The following BIRC6 variants were observed in gnomAD, a reference collection of about 807,000 sequenced individuals.
BIRC6 encodes baculoviral IAP repeat containing 6, also known as dual E2 ubiquitin-conjugating enzyme/E3 ubiquitin-protein ligase BIRC6.
BIRC6 carries 98 observed loss-of-function variants against 503.3 expected under a neutral mutation model. The observed-to-expected ratio is 0.19, with a 90% CI of 0.17 to 0.23. The LOEUF (loss-of-function observed/expected upper bound fraction) is 0.23. Ranked by LOEUF, BIRC6 falls within the 10% of genes least tolerant of loss-of-function variation. BIRC6 has a pLI of 1.00. For synonymous variants in BIRC6, 2,240 were observed against 2,078.7 expected, an observed-to-expected ratio of 1.08 and a Z score of -2.11; for missense variants, 5,360 against 5,806.0, an observed-to-expected ratio of 0.92 and a Z score of 2.50.
intron 66 of BIRC6, chr2:32,590,765 G>T (rs543748425): frequency 1.0e-6 from 1 of 980,268 alleles, no homozygotes; most frequent in African/African-American, 1.7e-5. Flanking sequence ...ATAATTCTGT[G>T]CAATAGTGGA....
At chr2:32,550,347 T>TA (rs1175246640) in intron 65 of BIRC6, among the ~76,000 whole-genome samples, 1 of 152,160 alleles carries the variant, frequency 6.6e-6, no homozygotes, top group African/African-American at 2.4e-5. Context: ...TTCAAGGGAT[T>TA]ATTGCCCGTA....
intron 16 of BIRC6, 147 bp from the exon 17 acceptor site, chr2:32,441,182 A>G: frequency 3.3e-6 from 2 of 604,500 alleles, no homozygotes; most frequent in South Asian, 5.4e-5. Context: ...CATTTACTGA[A>G]TATGAGGGTA....
intron 3 of BIRC6, among the ~76,000 whole-genome samples, chr2:32,384,459 A>G (rs911342051): frequency 2.0e-5 from 3 of 151,808 alleles, no homozygotes; most frequent in African/African-American, 7.3e-5. Context: ...CTGTCAGTCC[A>G]CAGGCAATGG....
At chr2:32,510,113 ATCTC>A in intron 52 of BIRC6, 119 bp downstream of exon 52, 2 of 1,184,592 alleles carry the variant, frequency 1.7e-6, no homozygotes, top group South Asian at 3.0e-5. Flanking sequence ...GTTTATGTTT[ATCTC>A]TCCTCTCTTC....
intron 3 of BIRC6, among the ~76,000 whole-genome samples, chr2:32,384,937 C>G (rs916878366): frequency 3.9e-5 from 6 of 152,062 alleles, no homozygotes; most frequent in Non-Finnish European, 8.8e-5. Context: ...ATTCATAGAC[C>G]TTTGTTTTTG....
At chr2:32,517,669 C>T (rs765374396) in intron 55 of BIRC6, among the ~76,000 whole-genome samples, 13 of 152,058 alleles carry the variant, frequency 8.5e-5, no homozygotes, top group African/African-American at 2.2e-4. Context: ...CTGAAACTTT[C>T]GGGCTCAAGA....
intron 66 of BIRC6, among the ~76,000 whole-genome samples, chr2:32,587,617 A>C (rs1357488019): frequency 2.6e-5 from 4 of 150,988 alleles, no homozygotes; most frequent in Non-Finnish European, 5.9e-5. Context: ...CTAGCTACTC[A>C]GGAGGCTGAG....
chr2:32,393,948 A>G (rs2039559566), intron 5 of BIRC6, among the ~76,000 whole-genome samples: 3 of 36,752 alleles, frequency 8.2e-5, no homozygotes, highest in Non-Finnish European at 9.7e-5. Context: ...CCAGAAAACT[A>G]TATATATATA....
chr2:32,494,236 T>G lies in BIRC6; in HGVS notation c.8468+569T>G, dbSNP rs200871819. Among the ~76,000 whole-genome samples, 46 of 152,110 alleles carry G rather than the reference T, an allele frequency of 3.0e-4. No individual in the cohort carries two copies. The East Asian group carries it at 7.9e-3, about 26-fold the overall frequency. On this transcript the variant is annotated intron_variant, in intron 45 of 73. Transcript: ENST00000421745. ...AACATTACTTTCTGATGAAAACTTTTTTTTTTTTTTGACACAGAGTCTCGC... is the reference window on the plus strand; with the variant it reads ...AACATTACTTTCTGATGAAAACTTTGTTTTTTTTTTGACACAGAGTCTCGC...
chr2:32,360,307 C>G (rs1457685962), intron 1 of BIRC6, among the ~76,000 whole-genome samples: 1 of 152,114 alleles, frequency 6.6e-6, no homozygotes, highest in Admixed American at 6.6e-5. Flanking sequence ...ACTATGACTA[C>G]TAGTATATGT....
At chr2:32,492,106 T>A (rs2051799106) in intron 44 of BIRC6, among the ~76,000 whole-genome samples, 1 of 152,122 alleles carries the variant, frequency 6.6e-6, no homozygotes, top group African/African-American at 2.4e-5. Flanking sequence ...AAAGTAAAAA[T>A]ATATTTAGCA....
At chr2:32,518,165 T>C (rs1318345139) in intron 55 of BIRC6, 89 bp from the exon 56 acceptor site, 27 of 1,236,414 alleles carry the variant, frequency 2.2e-5, no homozygotes, top group Middle Eastern at 4.1e-4. Flanking sequence ...AATAAACTTA[T>C]TCATATTTTC....
At chr2:32,387,195 G>A (rs1265054071) in intron 3 of BIRC6, among the ~76,000 whole-genome samples, 1 of 151,958 alleles carries the variant, frequency 6.6e-6, no homozygotes, top group African/African-American at 2.4e-5. Flanking sequence ...ACCAACTATA[G>A]TTGGGGTATC....
chr2:32,497,849 A>G (rs907801516), intron 45 of BIRC6, among the ~76,000 whole-genome samples: 1 of 152,300 alleles, frequency 6.6e-6, no homozygotes, highest in South Asian at 2.1e-4. Context: ...TTCTAATACA[A>G]GCATTTGACA....
chr2:32,446,008 C>T (rs565668482), intron 21 of BIRC6, among the ~76,000 whole-genome samples: 1 of 152,184 alleles, frequency 6.6e-6, no homozygotes, highest in South Asian at 2.1e-4. Context: ...CAGGCATGCA[C>T]CACAGGCCTG....
intron 72 of BIRC6, among the ~76,000 whole-genome samples, chr2:32,608,301 A>G (rs1186045596): frequency 6.6e-6 from 1 of 151,802 alleles, no homozygotes; most frequent in Non-Finnish European, 1.5e-5. Context: ...AAAAAATGGT[A>G]GTAGATAGTA....
At chr2:32,446,325 C>T (rs2045941229) in intron 21 of BIRC6, among the ~76,000 whole-genome samples, 1 of 152,170 alleles carries the variant, frequency 6.6e-6, no homozygotes, top group South Asian at 2.1e-4. Flanking sequence ...TGTCCCATAA[C>T]TAGTATTCTT....
At chr2:32,387,758 C>T (rs2038685590) in intron 3 of BIRC6, among the ~76,000 whole-genome samples, 1 of 152,106 alleles carries the variant, frequency 6.6e-6, no homozygotes, top group Admixed American at 6.5e-5. Flanking sequence ...TATTTGAGTG[C>T]CTACTCTGTG....
chr2:32,599,435 T>C (rs1219118592), intron 69 of BIRC6, among the ~76,000 whole-genome samples: 4 of 151,786 alleles, frequency 2.6e-5, no homozygotes, highest in Middle Eastern at 3.4e-3. Flanking sequence ...AGGCTAGGAG[T>C]TTGAGACCAG....
Sources: allele counts gnomAD v4.1 joint callset (sites outside exome capture counted in the v4.1 genomes callset), GRCh38; gene constraint gnomAD v4.1.1; transcripts MANE v1.5; gene names NCBI Gene and HGNC (gene_info 2026-07-23, HGNC 2026-07-21).